Variants in SH3PXD2A observed in about 807,000 individuals in gnomAD.
SH3PXD2A encodes the protein SH3 and PX domains 2A, also known as SH3 and PX domain-containing protein 2A.
A neutral mutation model predicts 115.2 loss-of-function variants in SH3PXD2A; 32 were observed. That is an observed-to-expected ratio of 0.28 (90% CI 0.21 to 0.37). SH3PXD2A has a LOEUF of 0.37. Among genes scored for constraint, SH3PXD2A ranks in the 10% least tolerant of loss-of-function variants. The probability of loss-of-function intolerance (pLI) is 1.00; values close to 1 mark genes in which losing one functional copy is unlikely to be tolerated. For synonymous variants in SH3PXD2A, 610 were observed against 629.1 expected, an observed-to-expected ratio of 0.97 and a Z score of 0.45; for missense variants, 1,328 against 1,498.7, an observed-to-expected ratio of 0.89 and a Z score of 1.88.
At chr10:103,611,126 A>G (rs1425580929) in intron 13 of SH3PXD2A, among the ~76,000 whole-genome samples, 1 of 151,444 alleles carries the variant, frequency 6.6e-6, no homozygotes, top group Non-Finnish European at 1.5e-5. Context: ...TGCAACTCAC[A>G]CTCCTCCCTG....
chr10:103,750,444 G>C (rs2038562684), intron 3 of SH3PXD2A, among the ~76,000 whole-genome samples: 1 of 152,200 alleles, frequency 6.6e-6, no homozygotes, highest in Admixed American at 6.5e-5. Flanking sequence ...GAAGGACAGG[G>C]TCCCTGTGTT....
intron 4 of SH3PXD2A, among the ~76,000 whole-genome samples, chr10:103,733,691 T>C (rs945416182): frequency 1.3e-5 from 2 of 152,244 alleles, no homozygotes; most frequent in Non-Finnish European, 2.9e-5. Flanking sequence ...GAAGACTACA[T>C]TGTCTTTTCT....
intron 1 of SH3PXD2A, among the ~76,000 whole-genome samples, chr10:103,816,738 T>C (rs926357158): frequency 1.1e-4 from 16 of 152,232 alleles, no homozygotes; most frequent in Admixed American, 6.5e-4. Context: ...ATAAAATATA[T>C]ACATTATGTA....
intron 14 of SH3PXD2A, 90 bp downstream of exon 14, chr10:103,605,708 G>A: frequency 1.3e-6 from 2 of 1,533,190 alleles, no homozygotes; most frequent in Non-Finnish European, 9.0e-7. Context: ...TGCCCCTCAG[G>A]AATCTTACTA....
chr10:103,679,414 C>T (rs1419330573), intron 6 of SH3PXD2A, among the ~76,000 whole-genome samples: 3 of 152,232 alleles, frequency 2.0e-5, no homozygotes, highest in Non-Finnish European at 4.4e-5. Flanking sequence ...GTACCAGTGT[C>T]CATTCAGAAA....
chr10:103,744,256 C>A (rs919169626), intron 3 of SH3PXD2A, among the ~76,000 whole-genome samples: 12 of 151,594 alleles, frequency 7.9e-5, no homozygotes, highest in Admixed American at 3.3e-4. Context: ...CGGGTTCAAG[C>A]GATTCTCCTG....
At chr10:103,686,558 C>T (rs2037680802) in intron 6 of SH3PXD2A, among the ~76,000 whole-genome samples, 1 of 152,116 alleles carries the variant, frequency 6.6e-6, no homozygotes, top group South Asian at 2.1e-4. Flanking sequence ...TTCCTACTGC[C>T]AGGCACAGCA....
chr10:103,596,883 G>C lies in SH3PXD2A; in HGVS notation c.*4933C>G, dbSNP rs902372947. 1 of 152,534 alleles carries C rather than the reference G, an allele frequency of 6.6e-6. No homozygotes were observed. The highest frequency in any genetic ancestry group is 2.1e-4 in the South Asian group (1 of 4,808). The allele number at this position is 152,534 out of a possible 1,614,324, so 9.4% of individuals were successfully genotyped here. ...TGTCTGTGCAGAAATTCACCAAATA[G>C]GGGGTTGAAGTAGCAAGCATACAGT... On this transcript the variant is annotated 3_prime_UTR_variant, in exon 15 of 15. Coordinates refer to ENST00000369774, the MANE Select transcript of SH3PXD2A (RefSeq NM_001394015.1).
intron 6 of SH3PXD2A, among the ~76,000 whole-genome samples, chr10:103,676,116 C>G (rs2037530230): frequency 6.6e-6 from 1 of 152,204 alleles, no homozygotes; most frequent in African/African-American, 2.4e-5. Context: ...GACTTAAGCC[C>G]AGGCAGGCTG....
chr10:103,606,010 C>T lies in SH3PXD2A; in HGVS notation c.1309-93G>A, dbSNP rs555024921. The T allele has an allele frequency of 2.1e-4, 292 of 1,360,932 alleles. 1 individual carries two copies. The highest frequency in any genetic ancestry group is 7.4e-4 in the South Asian group (56 of 75,932). 84.3% of individuals were successfully genotyped at this position (1,360,932 alleles called of 1,614,324 possible). A position where few individuals can be genotyped will look rare whatever the true frequency, so the allele number is the denominator to read the frequency against. On this transcript the variant is annotated intron_variant, in intron 13 of 14. Coordinates refer to ENST00000369774, the MANE Select transcript of SH3PXD2A (RefSeq NM_001394015.1). ...GTCCCCACTCAGTCCCCAGGGGGTG[C>T]GGATGGCCGTTTACACCAGCTGGAC...
chr10:103,832,381 A>G (rs1022219785), intron 1 of SH3PXD2A, among the ~76,000 whole-genome samples: 4 of 151,728 alleles, frequency 2.6e-5, no homozygotes, highest in African/African-American at 7.3e-5. Flanking sequence ...AAAAAAAAAA[A>G]AAAGAAAAGA....
chr10:103,827,969 G>A (rs1042855755), intron 1 of SH3PXD2A, among the ~76,000 whole-genome samples: 2 of 152,230 alleles, frequency 1.3e-5, no homozygotes, highest in Non-Finnish European at 2.9e-5. Context: ...CTCTAGGAAG[G>A]TGCACAGAGC....
intron 13 of SH3PXD2A, among the ~76,000 whole-genome samples, chr10:103,606,215 TCATC>T (rs2036299232): frequency 2.7e-5 from 4 of 148,934 alleles, no homozygotes; most frequent in African/African-American, 7.7e-5. Flanking sequence ...ATCATCATCA[TCATC>T]ATTACTCTGA....
chr10:103,639,288 G>A (rs1258445375), intron 8 of SH3PXD2A, among the ~76,000 whole-genome samples: 1 of 152,194 alleles, frequency 6.6e-6, no homozygotes, highest in Non-Finnish European at 1.5e-5. Context: ...TCACTCTAAT[G>A]GCTTCATAGG....
chr10:103,611,576 C>CAT lies in SH3PXD2A; in HGVS notation c.1308+3_1308+4dup, dbSNP rs1375196365. 1.2e-5 allele frequency: 20 copies of CAT among 1,613,114 alleles called. No individual in the cohort carries two copies. The Admixed American group carries it at 2.5e-4, about 20-fold the overall frequency. On this transcript the variant is annotated splice_donor_region_variant and intron_variant, in intron 13 of 14. Coordinates refer to ENST00000369774, the MANE Select transcript of SH3PXD2A (RefSeq NM_001394015.1). ...GAAAGGGGAGAAGAAATTCAGTACACATACCAGGCTGGATTCTCTGCGTGG... is the reference window on the plus strand; with the variant it reads ...GAAAGGGGAGAAGAAATTCAGTACACATATACCAGGCTGGATTCTCTGCGTGG...
chr10:103,763,807 CACAG>C (rs2038725366), intron 3 of SH3PXD2A, among the ~76,000 whole-genome samples: 1 of 152,180 alleles, frequency 6.6e-6, no homozygotes. Context: ...AGAGGCAGCC[CACAG>C]ACAATGGATG....
rs532317872 is a variant in SH3PXD2A at position 103,660,906 on chromosome 10, G to A, written c.604+77C>T. 41 of 1,452,366 alleles carry A rather than the reference G, an allele frequency of 2.8e-5. No homozygotes were observed. In the East Asian group the frequency reaches 8.9e-4, roughly 32 times the overall value. The allele number at this position is 1,452,366 out of a possible 1,614,324, so 90.0% of individuals were successfully genotyped here. Reference sequence around the variant, plus strand: ...ACGTATAGCTGCAGCGGTGGGGGAGGAGGGAGGAACAAAAACCAGCTCGGC... The same window carrying A: ...ACGTATAGCTGCAGCGGTGGGGGAGAAGGGAGGAACAAAAACCAGCTCGGC... On this transcript the variant is annotated intron_variant, in intron 8 of 14. Transcript: ENST00000369774.
intron 3 of SH3PXD2A, among the ~76,000 whole-genome samples, chr10:103,766,553 C>T (rs372080647): frequency 6.6e-6 from 1 of 152,180 alleles, no homozygotes; most frequent in South Asian, 2.1e-4. Context: ...AATCTCTATA[C>T]ACACTTAAGA....
intron 3 of SH3PXD2A, among the ~76,000 whole-genome samples, chr10:103,744,023 C>T (rs1441855265): frequency 6.6e-6 from 1 of 152,204 alleles, no homozygotes; most frequent in African/African-American, 2.4e-5. Context: ...TACTGGCTCC[C>T]CTGTCTTCCT....
Sources: gnomAD v4.1 joint callset for allele counts (sites outside exome capture counted in the v4.1 genomes callset) on GRCh38, gnomAD v4.1.1 for gene constraint, MANE v1.5 for transcripts, NCBI Gene and HGNC (gene_info 2026-07-23, HGNC 2026-07-21) for gene names.